GNG2: variants seen among roughly 807,000 people sequenced by gnomAD.
The protein encoded by GNG2 is guanine nucleotide-binding protein G(I)/G(S)/G(O) subunit gamma-2.
A neutral mutation model predicts 5.5 loss-of-function variants in GNG2; 5 were observed. The observed-to-expected ratio is 0.91, with a 90% confidence interval of 0.48 to 1.92. The LOEUF is 1.92. GNG2 is among the 30% of genes most tolerant of loss of function. The pLI is 0.01. For synonymous variants in GNG2, 28 were observed against 32.0 expected, an observed-to-expected ratio of 0.88 and a Z score of 0.42; for missense variants, 55 against 88.4, an observed-to-expected ratio of 0.62 and a Z score of 1.52.
chr14:51,912,331 C>T (rs1351449869), intron 2 of GNG2, among the ~76,000 whole-genome samples: 1 of 152,128 alleles, frequency 6.6e-6, no homozygotes, highest in Non-Finnish European at 1.5e-5. Flanking sequence ...GTGAGCTGCT[C>T]CCATCTTCTA....
chr14:51,907,366 G>A (rs1275831942), intron 2 of GNG2, among the ~76,000 whole-genome samples: 1 of 152,218 alleles, frequency 6.6e-6, no homozygotes, highest in East Asian at 1.9e-4. Context: ...AGATATTTAT[G>A]GCTGGATTCA....
At chr14:51,962,164 C>T (rs886346265) in intron 3 of GNG2, among the ~76,000 whole-genome samples, 1 of 151,588 alleles carries the variant, frequency 6.6e-6, no homozygotes, top group Non-Finnish European at 1.5e-5. Flanking sequence ...ATTATATTGA[C>T]ATGAGGGTCA....
chr14:51,847,881 C>CTTTTTT (rs540204195), intron 2 of GNG2, among the ~76,000 whole-genome samples: 4 of 48,138 alleles, frequency 8.3e-5, no homozygotes, highest in African/African-American at 2.2e-4. Context: ...GGTCCTTTTT[C>CTTTTTT]TTTTTTTTTT....
At chr14:51,830,799 G>A (rs185039480) in intron 2 of GNG2, among the ~76,000 whole-genome samples, 96 of 152,228 alleles carry the variant, frequency 6.3e-4, no homozygotes, top group African/African-American at 2.0e-3. Context: ...GTCAACTCTC[G>A]TTACTGCAGC....
intron 3 of GNG2, among the ~76,000 whole-genome samples, chr14:51,953,447 A>G (rs1187661966): frequency 6.6e-6 from 1 of 152,214 alleles, no homozygotes; most frequent in Non-Finnish European, 1.5e-5. Context: ...AGCCAATACC[A>G]CACTCTGATT....
intron 2 of GNG2, among the ~76,000 whole-genome samples, chr14:51,854,618 T>C (rs539078998): frequency 2.1e-5 from 2 of 93,058 alleles, no homozygotes; most frequent in South Asian, 3.2e-4. Flanking sequence ...GCAAGCAATT[T>C]TCCTGCCTCA....
chr14:51,965,849 A>AT (rs1289628078), intron 3 of GNG2, among the ~76,000 whole-genome samples: 1 of 151,936 alleles, frequency 6.6e-6, no homozygotes, highest in Non-Finnish European at 1.5e-5. Flanking sequence ...ATTTACAGGG[A>AT]TTTTTTCATT....
chr14:51,954,456 T>A (rs1444459290), intron 3 of GNG2, among the ~76,000 whole-genome samples: 3 of 152,146 alleles, frequency 2.0e-5, no homozygotes, highest in Non-Finnish European at 4.4e-5. Flanking sequence ...GGAGGGAACA[T>A]GCACAAAAGT....
upstream of GNG2, among the ~76,000 whole-genome samples, chr14:51,855,773 A>T (rs1015597393): frequency 6.6e-6 from 1 of 152,164 alleles, no homozygotes; most frequent in African/African-American, 2.4e-5. Context: ...GGCACAGCTG[A>T]TGGCTCCTTT....
At chr14:51,871,330 G>GAAA (rs761349756) in intron 1 of GNG2, among the ~76,000 whole-genome samples, 1 of 46,080 alleles carries the variant, frequency 2.2e-5, no homozygotes, top group Non-Finnish European at 5.1e-5. Context: ...AAATTCCTAG[G>GAAA]CAAAAAAAAA....
intron 3 of GNG2, among the ~76,000 whole-genome samples, chr14:51,957,599 C>T (rs1294596381): frequency 1.3e-5 from 2 of 152,178 alleles, no homozygotes; most frequent in Non-Finnish European, 1.5e-5. Context: ...CTTCTACATA[C>T]TCATAATACA....
At chr14:51,898,474 A>C (rs1483853861) in intron 2 of GNG2, among the ~76,000 whole-genome samples, 1 of 152,190 alleles carries the variant, frequency 6.6e-6, no homozygotes, top group Non-Finnish European at 1.5e-5. Context: ...GTTTAATAAA[A>C]AGTGAAAGAT....
At chr14:51,885,110 CA>C (rs1266542580) in intron 2 of GNG2, among the ~76,000 whole-genome samples, 1 of 152,132 alleles carries the variant, frequency 6.6e-6, no homozygotes, top group Non-Finnish European at 1.5e-5. Flanking sequence ...CCATGTGAGC[CA>C]ATACATTCCC....
rs538264468 is a variant in GNG2 at position 51,936,771 on chromosome 14, G to A, written c.-29-13879G>A. Among the ~76,000 whole-genome samples, 17 of 152,136 alleles carry A rather than the reference G, an allele frequency of 1.1e-4. No homozygotes were observed. The South Asian group carries it at 2.3e-3, about 20-fold the overall frequency. On this transcript the variant is annotated intron_variant, in intron 2 of 3. Transcript: ENST00000556766. ...TTGCCCAGGCTGGTCTTGAACACCT[G>A]GCTACAAGGGATCCTCTCATCTCAG...
chr14:51,904,368 C>T (rs1885767620), intron 2 of GNG2, among the ~76,000 whole-genome samples: 1 of 152,154 alleles, frequency 6.6e-6, no homozygotes, highest in African/African-American at 2.4e-5. Context: ...TAGCCTCTGC[C>T]TCAGAACCTA....
chr14:51,847,186 C>G (rs1299994088), intron 2 of GNG2: 1 of 152,330 alleles, frequency 6.6e-6, no homozygotes, highest in Admixed American at 6.5e-5. Flanking sequence ...AGGCTGCAGA[C>G]TGGGAGGGTG....
At chr14:51,898,241 A>G (rs1885330183) in intron 2 of GNG2, among the ~76,000 whole-genome samples, 1 of 152,248 alleles carries the variant, frequency 6.6e-6, no homozygotes, top group South Asian at 2.1e-4. Flanking sequence ...TTTAAATTAT[A>G]CAGGAAATGA....
intron 3 of GNG2, among the ~76,000 whole-genome samples, chr14:51,961,764 G>A (rs1195617019): frequency 6.6e-6 from 1 of 152,156 alleles, no homozygotes; most frequent in Non-Finnish European, 1.5e-5. Flanking sequence ...TACTGAATAT[G>A]TGACACTCTG....
intron 2 of GNG2, among the ~76,000 whole-genome samples, chr14:51,884,537 A>G (rs1884312798): frequency 6.6e-6 from 1 of 152,204 alleles, no homozygotes; most frequent in Non-Finnish European, 1.5e-5. Context: ...AGTCTTTTCC[A>G]ATTAGTCTTG....
Sources: allele counts gnomAD v4.1 joint callset (sites outside exome capture counted in the v4.1 genomes callset), GRCh38; gene constraint gnomAD v4.1.1; transcripts MANE v1.5; gene names NCBI Gene and HGNC (gene_info 2026-07-23, HGNC 2026-07-21).